The following RALYL variants were observed in gnomAD, a reference collection of about 807,000 sequenced individuals.
RALYL encodes RNA-binding Raly-like protein.
In RALYL, 29 loss-of-function variants were observed where a neutral mutation model predicts 35.1. That is an observed-to-expected ratio of 0.83 (90% CI 0.61 to 1.13). RALYL has a LOEUF of 1.13. RALYL is among the 50% of genes most tolerant of loss of function. RALYL has a pLI of 0.00. For synonymous variants in RALYL, 120 were observed against 127.6 expected, an observed-to-expected ratio of 0.94 and a Z score of 0.40; for missense variants, 359 against 360.4, an observed-to-expected ratio of 1.00 and a Z score of 0.03.
At chr8:84,674,025 T>A (rs967145478) in intron 2 of RALYL, among the ~76,000 whole-genome samples, 7 of 152,144 alleles carry the variant, frequency 4.6e-5, no homozygotes, top group Non-Finnish European at 5.9e-5. Context: ...GGATTTTTTT[T>A]AATTTGTGTG....
At chr8:84,908,748 G>A (rs997572430) in intron 8 of RALYL, among the ~76,000 whole-genome samples, 4 of 151,918 alleles carry the variant, frequency 2.6e-5, no homozygotes, top group Admixed American at 1.3e-4. Flanking sequence ...CTAGCAGTTT[G>A]TGCATCTCCC....
chr8:84,574,703 C>G (rs1379334549), intron 2 of RALYL, among the ~76,000 whole-genome samples: 1 of 151,984 alleles, frequency 6.6e-6, no homozygotes, highest in Non-Finnish European at 1.5e-5. Context: ...ACGTTTGTTT[C>G]CTATATATGT....
At chr8:84,358,303 A>G (rs1852264949) in intron 1 of RALYL, among the ~76,000 whole-genome samples, 1 of 152,010 alleles carries the variant, frequency 6.6e-6, no homozygotes, top group Admixed American at 6.6e-5. Flanking sequence ...TTATAAAGCA[A>G]AATTGAAACA....
At chr8:84,290,736 G>A (rs991921522) in intron 1 of RALYL, among the ~76,000 whole-genome samples, 11 of 152,262 alleles carry the variant, frequency 7.2e-5, no homozygotes, top group Non-Finnish European at 7.4e-5. Flanking sequence ...GGCTTGGCTT[G>A]GGCTCAGAGG....
chr8:84,740,178 A>T (rs934972400), intron 2 of RALYL, among the ~76,000 whole-genome samples: 3 of 152,016 alleles, frequency 2.0e-5, no homozygotes, highest in Non-Finnish European at 4.4e-5. Flanking sequence ...TCTGCGTTAT[A>T]CTTCGGGTGT....
At chr8:84,218,608 C>G (rs1035061481) in intron 1 of RALYL, among the ~76,000 whole-genome samples, 1 of 151,988 alleles carries the variant, frequency 6.6e-6, no homozygotes, top group Non-Finnish European at 1.5e-5. Context: ...CAGGTCAGAA[C>G]TCCAGTGAGG....
At chr8:84,785,648 A>C (rs1403276346) in intron 3 of RALYL, among the ~76,000 whole-genome samples, 1 of 152,196 alleles carries the variant, frequency 6.6e-6, no homozygotes, top group Non-Finnish European at 1.5e-5. Flanking sequence ...TTTTTAAAAA[A>C]TTAAATTTTT....
Position 84,192,905 on chromosome 8 carries a change from G to C in RALYL, c.-24+8481G>C, listed in dbSNP as rs1318665785. The stretch of plus-strand genomic sequence containing the variant: ...GGAGGGAGTGTGTGTGTGTGTGTGT[G>C]TGGGGGGGGGGGTTGTGTACGTGTA... On this transcript the variant is annotated intron_variant, in intron 1 of 8. Transcript: ENST00000521268. Among the ~76,000 whole-genome samples, 8 of 117,064 alleles carry C rather than the reference G, an allele frequency of 6.8e-5. 1 individual carries two copies. Among genetic ancestry groups the C allele is most frequent in the African/African-American group, 2.1e-4 (6 of 27,912 alleles). The allele number at this position is 117,064 out of a possible 152,430, so 76.8% of individuals were successfully genotyped here. A position where few individuals can be genotyped will look rare whatever the true frequency, so the allele number is the denominator to read the frequency against.
At chr8:84,669,366 C>A (rs569859997) in intron 2 of RALYL, among the ~76,000 whole-genome samples, 38 of 151,202 alleles carry the variant, frequency 2.5e-4, no homozygotes, top group Admixed American at 7.3e-4. Context: ...TTTTTAATTT[C>A]AACTTTTATT....
At chr8:84,665,845 A>G (rs1407086170) in intron 2 of RALYL, 1 of 152,022 alleles carries the variant, frequency 6.6e-6, no homozygotes, top group Non-Finnish European at 1.5e-5. Context: ...GTTTTAGTAT[A>G]TGTGCTGCTA....
At chr8:84,548,170 CT>C (rs963256271) in intron 2 of RALYL, among the ~76,000 whole-genome samples, 9 of 151,114 alleles carry the variant, frequency 6.0e-5, no homozygotes, top group African/African-American at 1.9e-4. Context: ...TCCTTTTTAT[CT>C]TTTTTTAAAG....
chr8:84,595,698 C>A (rs563006371), intron 2 of RALYL, among the ~76,000 whole-genome samples: 1 of 151,616 alleles, frequency 6.6e-6, no homozygotes, highest in African/African-American at 2.4e-5. Context: ...CATAGAAAAT[C>A]CATTTTCTAG....
intron 2 of RALYL, among the ~76,000 whole-genome samples, chr8:84,581,141 A>G (rs1034080430): frequency 6.6e-6 from 1 of 152,154 alleles, no homozygotes; most frequent in Non-Finnish European, 1.5e-5. Flanking sequence ...CCAAAGTTGC[A>G]TTGCCTTATC....
At chr8:84,827,863 A>G (rs10101863) in intron 4 of RALYL, among the ~76,000 whole-genome samples, 38,668 of 151,998 alleles carry the variant, frequency 0.25, 7,432 homozygotes, top group African/African-American at 0.53. Context: ...TTTGTTCATA[A>G]GTATCTTTAA....
intron 1 of RALYL, among the ~76,000 whole-genome samples, chr8:84,472,303 T>A (rs780228823): frequency 8.5e-5 from 13 of 152,136 alleles, no homozygotes; most frequent in African/African-American, 1.2e-4. Flanking sequence ...GTATATGAAT[T>A]TTTATAATAC....
chr8:84,445,532 A>T (rs2048760032), intron 1 of RALYL, among the ~76,000 whole-genome samples: 1 of 151,894 alleles, frequency 6.6e-6, no homozygotes, highest in Non-Finnish European at 1.5e-5. Context: ...CCTGCATATC[A>T]TAGTTCTATG....
At chr8:84,620,779 A>T (rs1821168392) in intron 2 of RALYL, among the ~76,000 whole-genome samples, 1 of 151,878 alleles carries the variant, frequency 6.6e-6, no homozygotes, top group South Asian at 2.1e-4. Flanking sequence ...TTTGGTGTGG[A>T]TGTCCTTTCT....
At chr8:84,857,188 C>A (rs1837236140) in intron 5 of RALYL, among the ~76,000 whole-genome samples, 2 of 151,964 alleles carry the variant, frequency 1.3e-5, no homozygotes, top group Non-Finnish European at 2.9e-5. Context: ...TGAATCAAGA[C>A]ATGGAGCAAG....
intron 1 of RALYL, among the ~76,000 whole-genome samples, chr8:84,348,048 C>T (rs1012522740): frequency 1.3e-5 from 2 of 152,034 alleles, no homozygotes; most frequent in Non-Finnish European, 2.9e-5. Flanking sequence ...CTTATATGGA[C>T]CTAACCTGAT....
Sources: allele counts gnomAD v4.1 joint callset (sites outside exome capture counted in the v4.1 genomes callset), GRCh38; gene constraint gnomAD v4.1.1; transcripts MANE v1.5; gene names NCBI Gene and HGNC (gene_info 2026-07-23, HGNC 2026-07-21).